FSIP2: variants seen among roughly 807,000 people sequenced by gnomAD.
The protein encoded by FSIP2 is fibrous sheath interacting protein 2, also known as fibrous sheath-interacting protein 2.
A neutral mutation model predicts 510.5 loss-of-function variants in FSIP2; 367 were observed. The ratio of observed to expected loss-of-function variants is 0.72; its 90% CI spans 0.66 to 0.78. FSIP2 has a LOEUF of 0.78. Ranked by LOEUF, FSIP2 falls within the 30% of genes least tolerant of loss-of-function variation. The pLI, the probability that FSIP2 is intolerant of heterozygous loss-of-function variation, is 0.00. For missense variants in FSIP2, 7,594 were observed against 7,901.7 expected, an observed-to-expected ratio of 0.96 and a Z score of 1.48; for synonymous variants, 2,601 against 2,732.2, an observed-to-expected ratio of 0.95 and a Z score of 1.50.
At chr2:185,826,624 T>A (rs12611817) in intron 20 of FSIP2, among the ~76,000 whole-genome samples, 82,537 of 151,410 alleles carry the variant, frequency 0.55, 22,735 homozygotes, top group South Asian at 0.64. Context: ...GTATTTTAAC[T>A]GTTTTTTTGA....
chr2:185,762,090 G>A, intron 11 of FSIP2, 73 bp downstream of exon 11: 1 of 730,358 alleles, frequency 1.4e-6, no homozygotes, highest in South Asian at 1.9e-5. Context: ...TATATTTTAA[G>A]TTGTTTTATC....
intron 22 of FSIP2, among the ~76,000 whole-genome samples, chr2:185,832,488 T>C (rs1299932558): frequency 2.0e-5 from 3 of 151,916 alleles, no homozygotes; most frequent in Admixed American, 1.3e-4. Context: ...TTTCATGTAC[T>C]ACAATCAAGA....
intron 13 of FSIP2, among the ~76,000 whole-genome samples, chr2:185,772,057 G>A (rs1045288153): frequency 2.6e-5 from 4 of 152,154 alleles, no homozygotes; most frequent in African/African-American, 9.7e-5. Context: ...CTTTGCTAAG[G>A]AATAACAAGT....
intron 13 of FSIP2, chr2:185,765,639 T>C (rs1458906594): frequency 6.6e-6 from 1 of 152,060 alleles, no homozygotes; most frequent in East Asian, 1.9e-4. Context: ...TCTTTTTTGG[T>C]TCCATATGAA....
chr2:185,833,184 T>C lies in FSIP2; in HGVS notation c.20682T>C (p.Asn6894=), dbSNP rs1363829191. ...LSKVFSQCNT[N]ISRSSSPAHQ... Reference sequence around the variant, plus strand: ...AGGTGTTTTCTCAATGTAACACCAATATTTCCAGATCTTCCTCACCAGCTC... The same window carrying C: ...AGGTGTTTTCTCAATGTAACACCAACATTTCCAGATCTTCCTCACCAGCTC... Residue 6894 remains asparagine, a synonymous_variant, in exon 23 of 23, where the codon AAT becomes AAC. Transcript: ENST00000424728. 1 of 1,611,486 alleles carries C rather than the reference T, an allele frequency of 6.2e-7. No individual in the cohort carries two copies. Among genetic ancestry groups the C allele is most frequent in the Non-Finnish European group, 8.5e-7 (1 of 1,178,354 alleles).
chr2:185,767,346 TA>T lies in FSIP2; in HGVS notation c.1411+2789del, dbSNP rs960599959. The stretch of plus-strand genomic sequence containing the variant: ...AAAATAAAAATAAAAAAATAAAAAA[TA>T]AAAAAAAGAGCTACTCTTAGCAGTT... On this transcript the variant is annotated intron_variant, in intron 13 of 22. Transcript: ENST00000424728. Among the ~76,000 whole-genome samples, 272 of 151,108 alleles carry T rather than the reference TA, an allele frequency of 1.8e-3. 3 individuals carry two copies. Among genetic ancestry groups the T allele is most frequent in the African/African-American group, 4.9e-3 (204 of 41,234 alleles).
rs963288987 is a variant in FSIP2 at position 185,774,649 on chromosome 2, T to G, written c.1412-8056T>G. 2.7e-5 allele frequency among the ~76,000 whole-genome samples: 4 copies of G among 148,046 alleles called. No individual in the cohort carries two copies. In the East Asian group the frequency reaches 8.1e-4, roughly 30 times the overall value. ...ACATTGTGCAGGTTAGTTACATACG[T>G]ATACATGTGCCATGCTGGTGTGCTG... On this transcript the variant is annotated intron_variant, in intron 13 of 22. Transcript: ENST00000424728.
intron 13 of FSIP2, among the ~76,000 whole-genome samples, chr2:185,767,797 G>C (rs1355211882): frequency 6.6e-6 from 1 of 152,032 alleles, no homozygotes; most frequent in Non-Finnish European, 1.5e-5. Context: ...TAGCTATTGT[G>C]AATAATGCTG....
intron 4 of FSIP2, 97 bp from the exon 5 acceptor site, chr2:185,745,330 CAG>C (rs1285928640): frequency 1.5e-6 from 1 of 689,130 alleles, no homozygotes; most frequent in Non-Finnish European, 2.1e-6. Context: ...TGCAATTAAA[CAG>C]AATTAAGCAT....
At position 185,807,264 on chromosome 2, in the gene FSIP2, G is replaced by A; in HGVS notation, c.17958G>A (p.Lys5986=). 6.2e-7 allele frequency: 1 copy of A among 1,612,520 alleles called. No individual in the cohort carries two copies. The highest frequency in any genetic ancestry group is 8.5e-7 in the Non-Finnish European group (1 of 1,179,150). The change falls in exon 17 of 23, where the codon AAG becomes AAA. Residue 5986 remains lysine (K), a synonymous_variant. Transcript: ENST00000424728. The part of the protein sequence containing the change: ...LPLESKDVVK[K]VQKLAQTASK... Reference sequence around the variant, plus strand: ...TGGAATCTAAGGATGTTGTTAAAAAGGTCCAAAAGTTGGCCCAAACAGCCA... The same window carrying A: ...TGGAATCTAAGGATGTTGTTAAAAAAGTCCAAAAGTTGGCCCAAACAGCCA...
At chr2:185,828,935 T>C (rs2105689609) in intron 21 of FSIP2, among the ~76,000 whole-genome samples, 1 of 152,000 alleles carries the variant, frequency 6.6e-6, no homozygotes, top group South Asian at 2.1e-4. Context: ...GAACCAACTT[T>C]TAAAATCTTA....
chr2:185,819,946 A>G (rs1302966609), intron 19 of FSIP2, among the ~76,000 whole-genome samples: 1 of 152,004 alleles, frequency 6.6e-6, no homozygotes, highest in Non-Finnish European at 1.5e-5. Context: ...TTAAATAAAT[A>G]CTAACAGATT....
At position 185,793,361 on chromosome 2, in the gene FSIP2, G is replaced by T. The variant is rs1469132268; in HGVS notation, c.6225G>T (p.Lys2075Asn). 6.5e-7 allele frequency: 1 copy of T among 1,533,954 alleles called. No homozygotes were observed. The highest frequency in any genetic ancestry group is 2.4e-5 in the East Asian group (1 of 40,834). The change falls in exon 16 of 23, where the codon AAG becomes AAT. Residue 2075 changes from lysine to asparagine, a missense_variant. Lys to Asn is a moderately conservative substitution (Grantham distance 94, BLOSUM62 0). Coordinates refer to ENST00000424728, the MANE Select transcript of FSIP2 (RefSeq NM_173651.4). The part of the protein sequence containing the change: ...DLDQQKGVIE[K>N]LLNETKYRKV... Reference sequence around the variant, plus strand: ...ATCAGCAAAAAGGTGTTATTGAAAAGCTGCTCAATGAGACCAAATATCGAA... The same window carrying T: ...ATCAGCAAAAAGGTGTTATTGAAAATCTGCTCAATGAGACCAAATATCGAA...
chr2:185,770,388 G>A (rs115343198), intron 13 of FSIP2, among the ~76,000 whole-genome samples: 151 of 152,116 alleles, frequency 9.9e-4, no homozygotes, highest in Middle Eastern at 3.4e-3. Context: ...ATACACGCAC[G>A]GCACCAGAAT....
rs1221385364 is a variant in FSIP2, at chr2:185,803,071, C to A, written c.13765C>A (p.Leu4589Ile). 1 of 1,514,736 alleles carries A rather than the reference C, an allele frequency of 6.6e-7. No individual in the cohort carries two copies. Among genetic ancestry groups the A allele is most frequent in the East Asian group, 2.5e-5 (1 of 40,684 alleles). 93.8% of individuals were successfully genotyped at this position (1,514,736 alleles called of 1,614,324 possible). A position where few individuals can be genotyped will look rare whatever the true frequency, so the allele number is the denominator to read the frequency against. Residue 4589 changes from leucine (L) to isoleucine (I), a missense_variant, in exon 17 of 23, where the codon CTT becomes ATT. By Grantham distance (5) the Leu-to-Ile change is conservative (BLOSUM62 2). Coordinates refer to ENST00000424728, the MANE Select transcript of FSIP2 (RefSeq NM_173651.4). ...FIIKHICQKH[L>I]QPFVSGKSLS... ...CATTAAACATATCTGTCAAAAACATCTTCAGCCATTTGTGAGTGGAAAATC... is the reference window on the plus strand; with the variant it reads ...CATTAAACATATCTGTCAAAAACATATTCAGCCATTTGTGAGTGGAAAATC...
rs891554477 is a variant in FSIP2, at chr2:185,795,593, C to A, written c.8457C>A (p.Tyr2819Ter). The part of the protein sequence containing the change: ...GSLPKQQACF[Y>*]LENVSSQLEH... ...TTCCTAAACAACAAGCATGTTTTTA[C>A]TTGGAGAATGTTTCTTCACAGCTAG... Residue 2819 changes from tyrosine (Y) to a stop codon, truncating the protein, a stop_gained, in exon 16 of 23, where the codon TAC becomes TAA. Coordinates refer to ENST00000424728, the MANE Select transcript of FSIP2 (RefSeq NM_173651.4). LOFTEE classifies it high-confidence loss of function. 36 of 1,534,986 alleles carry A rather than the reference C, an allele frequency of 2.3e-5. No homozygotes were observed. Among genetic ancestry groups the A allele is most frequent in the Non-Finnish European group, 3.1e-5 (35 of 1,146,054 alleles).
chr2:185,767,321 A>C (rs1259990300), intron 13 of FSIP2, among the ~76,000 whole-genome samples: 2 of 151,854 alleles, frequency 1.3e-5, no homozygotes, highest in African/African-American at 4.8e-5. Context: ...AGTATAATAA[A>C]AAATAAAAAT....
chr2:185,737,877 G>T (rs1025078787), upstream of FSIP2, among the ~76,000 whole-genome samples: 1 of 152,142 alleles, frequency 6.6e-6, no homozygotes, highest in African/African-American at 2.4e-5. Context: ...ACAGCCTCAG[G>T]AGCCACCATT....
At chr2:185,742,760 G>T (rs1691948163) in intron 2 of FSIP2, among the ~76,000 whole-genome samples, 1 of 152,050 alleles carries the variant, frequency 6.6e-6, no homozygotes. Context: ...CTTTTGAATA[G>T]AATATTTTGA....
Sources: gnomAD v4.1 joint callset for allele counts (sites outside exome capture counted in the v4.1 genomes callset) on GRCh38, gnomAD v4.1.1 for gene constraint, MANE v1.5 for transcripts, NCBI Gene and HGNC (gene_info 2026-07-23, HGNC 2026-07-21) for gene names.